DCP1B: variants seen among roughly 807,000 people sequenced by gnomAD.
DCP1B encodes the protein mRNA-decapping enzyme 1B.
In DCP1B, 47 loss-of-function variants were observed where a neutral mutation model predicts 60.5. The observed-to-expected ratio is 0.78, with a 90% CI of 0.61 to 0.99. The LOEUF is 0.99. Ranked by LOEUF, DCP1B falls within the 50% of genes least tolerant of loss-of-function variation. The pLI, the probability that DCP1B is intolerant of heterozygous loss-of-function variation, is 0.00. For missense variants in DCP1B, 725 were observed against 756.8 expected (o/e 0.96, Z 0.49); for synonymous variants, 267 against 280.3 (o/e 0.95, Z 0.47).
At chr12:1,994,130 A>C (rs763092256) in intron 2 of DCP1B, among the ~76,000 whole-genome samples, 11 of 152,238 alleles carry the variant, frequency 7.2e-5, no homozygotes, top group Non-Finnish European at 1.3e-4. Flanking sequence ...AATTATACTG[A>C]GTATAAACTC....
rs571034047 is a variant in DCP1B, at chr12:1,958,663, C to T, written c.523-3103G>A. On this transcript the variant is annotated intron_variant, in intron 5 of 8. Coordinates refer to ENST00000280665, the MANE Select transcript of DCP1B (RefSeq NM_152640.5). ...AAAAGCTCCCCAACGTCGCTCTGGG[C>T]AATGACTTTTTCCATAAACCTCCCG... is the stretch of plus-strand genomic sequence containing the variant. Among the ~76,000 whole-genome samples, 1,298 of 142,192 alleles carry T rather than the reference C, an allele frequency of 9.1e-3. 9 individuals are homozygous for T. Among genetic ancestry groups the T allele is most frequent in the Non-Finnish European group, 0.014 (872 of 64,144 alleles). 93.3% of individuals were successfully genotyped at this position (142,192 alleles called of 152,430 possible).
intron 3 of DCP1B, chr12:1,991,178 C>T (rs768643021): frequency 4.2e-5 from 19 of 455,940 alleles, no homozygotes; most frequent in East Asian, 6.9e-5. Context: ...GAAAAAGCAA[C>T]GGAAGTGAAA....
intron 3 of DCP1B, among the ~76,000 whole-genome samples, chr12:1,977,691 A>G (rs1357898763): frequency 1.3e-5 from 2 of 152,246 alleles, no homozygotes; most frequent in African/African-American, 4.8e-5. Flanking sequence ...TAGCCTAGAT[A>G]ATTAGCAACC....
chr12:1,952,340 C>CTTTA, intron 7 of DCP1B, 76 bp downstream of exon 7: 2 of 1,319,364 alleles, frequency 1.5e-6, no homozygotes, highest in East Asian at 5.3e-5. Flanking sequence ...AGCCTGGCTA[C>CTTTA]TTTTTTTTTT....
At chr12:1,957,036 T>C (rs569831540) in intron 5 of DCP1B, among the ~76,000 whole-genome samples, 1 of 152,336 alleles carries the variant, frequency 6.6e-6, no homozygotes, top group South Asian at 2.1e-4. Context: ...TACAACTGCC[T>C]ACCTACAAAA....
chr12:1,951,568 G>C (rs543684161), intron 7 of DCP1B, among the ~76,000 whole-genome samples: 5 of 152,268 alleles, frequency 3.3e-5, no homozygotes, highest in African/African-American at 7.2e-5. Context: ...CAGTTTGTGT[G>C]GGGGGTGGAG....
intron 3 of DCP1B, among the ~76,000 whole-genome samples, chr12:1,972,466 G>A (rs1565785061): frequency 6.6e-6 from 1 of 152,082 alleles, no homozygotes; most frequent in Non-Finnish European, 1.5e-5. Context: ...CTAGGCATTT[G>A]AAAGATCCCA....
Position 1,965,877 on chromosome 12 carries a change from G to C in DCP1B, c.387-184C>G, listed in dbSNP as rs759831344. Among the ~76,000 whole-genome samples, 125 of 152,170 alleles carry C rather than the reference G, an allele frequency of 8.2e-4. 2 individuals carry two copies. Among genetic ancestry groups the C allele is most frequent in the Non-Finnish European group, 3.7e-4 (25 of 68,028 alleles). ...TCCTGAATTCACTGACTACACAAAT[G>C]AATCTAGGATAGGGGTCAGCAAATC... is the stretch of plus-strand genomic sequence containing the variant. On this transcript the variant is annotated intron_variant, in intron 4 of 8. Transcript: ENST00000280665.
intron 7 of DCP1B, among the ~76,000 whole-genome samples, chr12:1,949,739 G>A (rs916739950): frequency 2.0e-4 from 31 of 152,130 alleles, no homozygotes; most frequent in African/African-American, 7.2e-4. Context: ...TCCTGACCCC[G>A]GAGCACAGGA....
At position 1,949,083 on chromosome 12, in the gene DCP1B, T is replaced by C. The variant is rs1375999446; in HGVS notation, c.1773+3A>G. 6.2e-7 allele frequency: 1 copy of C among 1,610,392 alleles called. No individual in the cohort carries two copies. The highest frequency in any genetic ancestry group is 1.1e-5 in the South Asian group (1 of 91,030). On this transcript the variant is annotated splice_donor_region_variant and intron_variant, in intron 8 of 8. Coordinates refer to ENST00000280665, the MANE Select transcript of DCP1B (RefSeq NM_152640.5). ...TGCGAAGGGAGATGACGTGCTTGCT[T>C]ACCTGAATGAGGTACAGCAGTGCCT...
chr12:1,979,453 A>G (rs552544343), intron 3 of DCP1B, among the ~76,000 whole-genome samples: 1 of 151,844 alleles, frequency 6.6e-6, no homozygotes, highest in Non-Finnish European at 1.5e-5. Flanking sequence ...CTGGGATCAC[A>G]GGGGCCTGCC....
chr12:2,003,735 C>A (rs1043951666), intron 1 of DCP1B, among the ~76,000 whole-genome samples: 12 of 152,228 alleles, frequency 7.9e-5, no homozygotes, highest in African/African-American at 2.6e-4. Flanking sequence ...TAGACCCTGC[C>A]CCATTTTGTC....
In DCP1B at chr12:1,955,412, A is replaced by G. The variant is rs759838109; in HGVS notation, c.651+20T>C. ...GAATTCTAGAGACACACTGAATATG[A>G]CAAGCAGAGAACTCCGTACCTGGTT... On this transcript the variant is annotated intron_variant, in intron 6 of 8. Coordinates refer to ENST00000280665, the MANE Select transcript of DCP1B (RefSeq NM_152640.5). The G allele has an allele frequency of 6.2e-7, 1 of 1,609,434 alleles. No homozygotes were observed. Among genetic ancestry groups the G allele is most frequent in the South Asian group, 1.1e-5 (1 of 90,278 alleles).
At chr12:1,955,867 G>A (rs929696296) in intron 5 of DCP1B, among the ~76,000 whole-genome samples, 7 of 152,018 alleles carry the variant, frequency 4.6e-5, no homozygotes, top group South Asian at 2.1e-4. Flanking sequence ...TTGACTATAC[G>A]TTTAAATATA....
chr12:1,990,810 TTA>T (rs2039178744), intron 3 of DCP1B, among the ~76,000 whole-genome samples: 1 of 152,184 alleles, frequency 6.6e-6, no homozygotes, highest in African/African-American at 2.4e-5. Flanking sequence ...TACATAATTA[TTA>T]TATAACATAT....
intron 1 of DCP1B, among the ~76,000 whole-genome samples, chr12:2,002,214 C>T (rs923123309): frequency 6.6e-6 from 1 of 152,208 alleles, no homozygotes; most frequent in Non-Finnish European, 1.5e-5. Context: ...ATCCCCCCTG[C>T]CTTCTTGTAA....
rs780485055 is a variant in DCP1B, at chr12:1,993,244, C to G, written c.319+20G>C. 2.5e-6 allele frequency: 4 copies of G among 1,614,058 alleles called. No homozygotes were observed. The highest frequency in any genetic ancestry group is 2.7e-5 in the African/African-American group (2 of 75,036). ...CAAACTTCAGAAGTAAAACAACCCA[C>G]TGTAGTAAGAAAGACTCACATCTGG... On this transcript the variant is annotated intron_variant, in intron 3 of 8. Transcript: ENST00000280665.
intron 3 of DCP1B, among the ~76,000 whole-genome samples, chr12:1,972,343 TATA>T (rs1220969375): frequency 2.0e-5 from 3 of 152,244 alleles, no homozygotes; most frequent in Non-Finnish European, 2.9e-5. Context: ...TTCATTCAAA[TATA>T]ATGTTTCTTG....
At chr12:1,970,992 T>A (rs1016184487) in intron 3 of DCP1B, 2 of 1,028,650 alleles carry the variant, frequency 1.9e-6, no homozygotes, top group African/African-American at 3.4e-5. Context: ...TAAAAAATTA[T>A]AAGAGATCAT....
Sources: gnomAD v4.1 joint callset for allele counts (sites outside exome capture counted in the v4.1 genomes callset) on GRCh38, gnomAD v4.1.1 for gene constraint, MANE v1.5 for transcripts, NCBI Gene and HGNC (gene_info 2026-07-23, HGNC 2026-07-21) for gene names.